Variants in NRG1 observed in about 807,000 individuals in gnomAD.
The protein encoded by NRG1 is neuregulin 1.
A neutral mutation model predicts 63.8 loss-of-function variants in NRG1; 18 were observed. That is an observed-to-expected ratio of 0.28 (90% confidence interval 0.19 to 0.42). The LOEUF (loss-of-function observed/expected upper bound fraction) is 0.42, where lower values mean the gene tolerates loss of function less well. Among genes scored for constraint, NRG1 ranks in the 10% least tolerant of loss-of-function variants. NRG1 has a pLI of 1.00. For synonymous variants in NRG1, 302 were observed against 301.3 expected (o/e 1.00, Z -0.02); for missense variants, 762 against 814.7 (o/e 0.94, Z 0.79).
intron 1 of NRG1, among the ~76,000 whole-genome samples, chr8:31,963,018 G>C (rs1006873964): frequency 6.6e-6 from 1 of 152,200 alleles, no homozygotes; most frequent in Admixed American, 6.5e-5. Context: ...AAGTGACTGC[G>C]TGTTCTCATA....
At chr8:32,464,771 G>A (rs1370229675) in intron 1 of NRG1, among the ~76,000 whole-genome samples, 1 of 151,072 alleles carries the variant, frequency 6.6e-6, no homozygotes, top group Non-Finnish European at 1.5e-5. Context: ...GAAACTTGGG[G>A]ATTTTACCTT....
intron 1 of NRG1, among the ~76,000 whole-genome samples, chr8:32,266,746 T>C (rs1015494827): frequency 2.2e-4 from 34 of 151,826 alleles, no homozygotes; most frequent in African/African-American, 7.7e-4. Context: ...AAGAAAAAAT[T>C]CTTTCTGGGC....
At chr8:32,666,993 C>T (rs966951091) in intron 5 of NRG1, among the ~76,000 whole-genome samples, 15 of 152,150 alleles carry the variant, frequency 9.9e-5, no homozygotes, top group Admixed American at 3.9e-4. Context: ...TACAGTCATA[C>T]GTCACTTAAT....
chr8:32,298,017 AT>A (rs1855100233), intron 1 of NRG1, among the ~76,000 whole-genome samples: 1 of 152,274 alleles, frequency 6.6e-6, no homozygotes, highest in African/African-American at 2.4e-5. Context: ...CTGTGAGAAC[AT>A]CACTTAAATA....
chr8:32,159,146 T>C (rs1368897911), intron 1 of NRG1, among the ~76,000 whole-genome samples: 1 of 152,230 alleles, frequency 6.6e-6, no homozygotes, highest in Non-Finnish European at 1.5e-5. Flanking sequence ...CATTATTACC[T>C]TTACTAACAA....
At chr8:31,828,477 C>A (rs185362763) in intron 1 of NRG1, among the ~76,000 whole-genome samples, 1 of 152,150 alleles carries the variant, frequency 6.6e-6, no homozygotes, top group South Asian at 2.1e-4. Flanking sequence ...CACAGATCTT[C>A]CTTTCATGCT....
chr8:32,078,209 G>A (rs564042394), intron 1 of NRG1, among the ~76,000 whole-genome samples: 1 of 152,288 alleles, frequency 6.6e-6, no homozygotes, highest in Non-Finnish European at 1.5e-5. Flanking sequence ...CCCTCCCAGT[G>A]GTAATGAGTG....
chr8:31,935,972 C>G, intron 1 of NRG1, among the ~76,000 whole-genome samples: 1 of 151,882 alleles, frequency 6.6e-6, no homozygotes, highest in East Asian at 1.9e-4. Context: ...GAGAGAAGAG[C>G]ATAATAGCAG....
chr8:31,929,890 A>T (rs560467428), intron 1 of NRG1, among the ~76,000 whole-genome samples: 11 of 152,182 alleles, frequency 7.2e-5, no homozygotes, highest in Non-Finnish European at 1.5e-4. Context: ...GGCTTCTCAT[A>T]CAACCCAAGC....
At chr8:32,174,657 C>T (rs1299801292) in intron 1 of NRG1, among the ~76,000 whole-genome samples, 2 of 152,124 alleles carry the variant, frequency 1.3e-5, no homozygotes, top group Non-Finnish European at 2.9e-5. Context: ...TATATCACCA[C>T]CGATCCCACA....
chr8:32,408,130 G>A (rs893870497), intron 1 of NRG1, among the ~76,000 whole-genome samples: 1 of 152,196 alleles, frequency 6.6e-6, no homozygotes, highest in Non-Finnish European at 1.5e-5. Flanking sequence ...ATAAGTTACT[G>A]CTAGGTCACT....
chr8:32,557,483 A>G (rs557423179), intron 1 of NRG1, among the ~76,000 whole-genome samples: 6 of 152,342 alleles, frequency 3.9e-5, no homozygotes, highest in African/African-American at 1.4e-4. Context: ...TTTAAAAATA[A>G]GTAACAAAAG....
At chr8:32,092,707 T>C (rs1587070362) in intron 1 of NRG1, among the ~76,000 whole-genome samples, 2 of 152,046 alleles carry the variant, frequency 1.3e-5, no homozygotes, top group African/African-American at 4.8e-5. Context: ...ATGCAGCAGG[T>C]GTGGCAGTGC....
chr8:32,548,000 C>T (rs1833279276), upstream of NRG1, among the ~76,000 whole-genome samples: 1 of 152,130 alleles, frequency 6.6e-6, no homozygotes, highest in Non-Finnish European at 1.5e-5. Context: ...CGGGTCTCCG[C>T]CTGGGTTCCC....
At chr8:32,524,440 C>G (rs151068167) in intron 1 of NRG1, among the ~76,000 whole-genome samples, 1 of 152,042 alleles carries the variant, frequency 6.6e-6, no homozygotes, top group African/African-American at 2.4e-5. Flanking sequence ...CTCTTGGTTC[C>G]TTTTTCCTGG....
In NRG1 at chr8:32,636,011, A is replaced by G. The variant is rs1851279239; in HGVS notation, c.502+19126A>G. On this transcript the variant is annotated intron_variant, in intron 5 of 11. Transcript: ENST00000356819. ...AGAAGAGACAGGGCTAATTCCAGGT[A>G]TTTAACCCCAAGTTAAGGAGACTTA... 3.3e-5 allele frequency among the ~76,000 whole-genome samples: 5 copies of G among 152,178 alleles called. No individual in the cohort carries two copies. The South Asian group carries it at 6.2e-4, about 19-fold the overall frequency.
intron 1 of NRG1, among the ~76,000 whole-genome samples, chr8:31,654,896 G>T (rs1455223985): frequency 6.6e-6 from 1 of 152,160 alleles, no homozygotes; most frequent in Non-Finnish European, 1.5e-5. Flanking sequence ...AGCTATGATT[G>T]CATCACTGCA....
At chr8:31,757,200 T>C (rs1448919691) in intron 1 of NRG1, among the ~76,000 whole-genome samples, 2 of 152,138 alleles carry the variant, frequency 1.3e-5, no homozygotes, top group Non-Finnish European at 2.9e-5. Context: ...TTCTCCCTCT[T>C]ATACTACTCT....
At chr8:32,436,998 G>T (rs901927847) in intron 1 of NRG1, among the ~76,000 whole-genome samples, 1 of 151,934 alleles carries the variant, frequency 6.6e-6, no homozygotes, top group Non-Finnish European at 1.5e-5. Context: ...TGGCCAGGCA[G>T]GTCACCAAGA....
Sources: gnomAD v4.1 joint callset for allele counts (sites outside exome capture counted in the v4.1 genomes callset) on GRCh38, gnomAD v4.1.1 for gene constraint, MANE v1.5 for transcripts, NCBI Gene and HGNC (gene_info 2026-07-23, HGNC 2026-07-21) for gene names.